Variants in NUAK2 observed in about 807,000 individuals in gnomAD.
NUAK2 encodes the protein NUAK family kinase 2, also known as NUAK family SNF1-like kinase 2.
A neutral mutation model predicts 29.8 loss-of-function variants in NUAK2; 20 were observed. The ratio of observed to expected loss-of-function variants is 0.67; its 90% confidence interval spans 0.47 to 0.98. The LOEUF (loss-of-function observed/expected upper bound fraction) is 0.98. Among genes scored for constraint, NUAK2 ranks in the 50% least tolerant of loss-of-function variants. The pLI, the probability that NUAK2 is intolerant of heterozygous loss-of-function variation, is 0.00. For missense variants in NUAK2, 719 were observed against 834.5 expected (o/e 0.86, Z 1.71); for synonymous variants, 331 against 342.6 (o/e 0.97, Z 0.37).
chr1:205,319,493 C>G (rs369161073), intron 1 of NUAK2, among the ~76,000 whole-genome samples: 1 of 152,018 alleles, frequency 6.6e-6, no homozygotes, highest in African/African-American at 2.4e-5. Context: ...CTCTGAACTT[C>G]AATCTCAGTT....
intron 1 of NUAK2, among the ~76,000 whole-genome samples, chr1:205,320,878 G>T (rs1368999121): frequency 2.0e-5 from 3 of 146,572 alleles, no homozygotes; most frequent in Admixed American, 2.0e-4. Flanking sequence ...GAGCTGGAAA[G>T]GACCTAAATG....
intron 1 of NUAK2, among the ~76,000 whole-genome samples, chr1:205,320,676 G>A (rs535802954): frequency 6.6e-6 from 1 of 152,236 alleles, no homozygotes; most frequent in South Asian, 2.1e-4. Context: ...CTGCAAAAGG[G>A]GAAACAAAGT....
chr1:205,316,656 G>A (rs1033779716), intron 1 of NUAK2, among the ~76,000 whole-genome samples: 5 of 152,172 alleles, frequency 3.3e-5, no homozygotes, highest in African/African-American at 7.2e-5. Flanking sequence ...GGATCTCTAC[G>A]CACCCTTCCA....
intron 1 of NUAK2, among the ~76,000 whole-genome samples, chr1:205,313,454 GAA>G (rs1662282355): frequency 6.6e-6 from 1 of 152,164 alleles, no homozygotes; most frequent in Non-Finnish European, 1.5e-5. Flanking sequence ...GGAAGAAATG[GAA>G]AGAGGGCTGC....
At chr1:205,313,443 A>C (rs1191572945) in intron 1 of NUAK2, among the ~76,000 whole-genome samples, 1 of 152,186 alleles carries the variant, frequency 6.6e-6, no homozygotes, top group African/African-American at 2.4e-5. Flanking sequence ...GGAGAGAGGC[A>C]GGAAGAAATG....
intron 1 of NUAK2, among the ~76,000 whole-genome samples, chr1:205,318,374 C>G (rs1286971638): frequency 6.6e-6 from 1 of 152,234 alleles, no homozygotes; most frequent in African/African-American, 2.4e-5. Flanking sequence ...TCAAGACCAA[C>G]TCCCAGTCTA....
rs1218317439 is a variant in NUAK2 at position 205,303,368 on chromosome 1, G to A, written c.*82C>T. On this transcript the variant is annotated 3_prime_UTR_variant, in exon 7 of 7. Coordinates refer to ENST00000367157, the MANE Select transcript of NUAK2 (RefSeq NM_030952.3). ...CTGAGCTGGGATGCAGGTCCTGGGA[G>A]GTGGGGGAGAAGGCATCTCCCCTCG... 8.0e-7 allele frequency: 1 copy of A among 1,246,816 alleles called. No homozygotes were observed. Among genetic ancestry groups the A allele is most frequent in the South Asian group, 1.5e-5 (1 of 66,556 alleles). 77.2% of individuals were successfully genotyped at this position (1,246,816 alleles called of 1,614,324 possible).
At chr1:205,306,798 G>T (rs940107230) in intron 4 of NUAK2, among the ~76,000 whole-genome samples, 3 of 152,154 alleles carry the variant, frequency 2.0e-5, no homozygotes, top group Non-Finnish European at 4.4e-5. Flanking sequence ...GATGTTTAGT[G>T]ATGGAAAGGA....
chr1:205,307,336 A>C (rs1030357566), intron 4 of NUAK2, among the ~76,000 whole-genome samples: 1 of 152,186 alleles, frequency 6.6e-6, no homozygotes, highest in Non-Finnish European at 1.5e-5. Context: ...ATGCCTGTCC[A>C]TGTTTGTGCC....
Position 205,308,456 on chromosome 1 carries a change from G to T in NUAK2, c.504+125C>A. ...ACACTGACATTTCCCTGAGAGTCCA[G>T]AATCTAGTTTTGCCTCTGTTTCTGT... On this transcript the variant is annotated intron_variant, in intron 3 of 6. Coordinates refer to ENST00000367157, the MANE Select transcript of NUAK2 (RefSeq NM_030952.3). This position sits in a 1 kb window ranked among gnomAD's most constrained non-coding sequence, Gnocchi z 4.1. 1 of 1,089,286 alleles carries T rather than the reference G, an allele frequency of 9.2e-7. No individual in the cohort carries two copies. Among genetic ancestry groups the T allele is most frequent in the Non-Finnish European group, 1.4e-6 (1 of 740,420 alleles). 67.5% of individuals were successfully genotyped at this position (1,089,286 alleles called of 1,614,324 possible).
chr1:205,311,682 C>T, intron 2 of NUAK2, 23 bp downstream of exon 2: 2 of 1,613,716 alleles, frequency 1.2e-6, no homozygotes, highest in Non-Finnish European at 1.7e-6. Flanking sequence ...CCCCCAAGTT[C>T]CAGCTTTAAG....
intron 2 of NUAK2, among the ~76,000 whole-genome samples, chr1:205,310,972 T>G (rs1304435154): frequency 6.6e-6 from 1 of 152,240 alleles, no homozygotes; most frequent in East Asian, 1.9e-4. Context: ...ACAGTCTCCC[T>G]TTCTTCCCTC....
At chr1:205,307,597 C>A (rs997447890) in intron 4 of NUAK2, among the ~76,000 whole-genome samples, 1 of 152,198 alleles carries the variant, frequency 6.6e-6, no homozygotes, top group African/African-American at 2.4e-5. Flanking sequence ...CTTCCTCCAG[C>A]CCTGAGATCT....
chr1:205,308,701 G>A lies in NUAK2; in HGVS notation c.384C>T (p.Val128=), dbSNP rs747783613. 1.2e-6 allele frequency: 2 copies of A among 1,614,106 alleles called. No individual in the cohort carries two copies. The highest frequency in any genetic ancestry group is 1.7e-5 in the Admixed American group (1 of 60,016). ...GGTCGCCCCGGCTGGCATACTCCATGACGATCACGATCTTGCTGCTGTTCT... is the reference window on the plus strand; with the variant it reads ...GGTCGCCCCGGCTGGCATACTCCATAACGATCACGATCTTGCTGCTGTTCT... ...VFENSSKIVI[V]MEYASRGDLY... is the part of the protein sequence containing the mutation. Residue 128 remains valine, a synonymous_variant, in exon 3 of 7, where the codon GTC becomes GTT. Coordinates refer to ENST00000367157, the MANE Select transcript of NUAK2 (RefSeq NM_030952.3). This position sits in a 1 kb window ranked among gnomAD's most constrained non-coding sequence, Gnocchi z 4.1.
Position 205,304,121 on chromosome 1 carries a change from G to A in NUAK2, c.1216C>T (p.Leu406=). The stretch of plus-strand genomic sequence containing the variant: ...TTCTTCTTGAGAATGCCCTTTGGCA[G>A]CTTGAGGTTGCTCTTGCCAGGGCGA... ...AHRPGKSNLK[L]PKGILKKKVS... Residue 406 remains leucine (L), a synonymous_variant, in exon 7 of 7, where the codon CTG becomes TTG. Transcript: ENST00000367157. The surrounding 1 kb of genome is among the most constrained non-coding windows in gnomAD (Gnocchi z 6.5). 1 of 1,614,234 alleles carries A rather than the reference G, an allele frequency of 6.2e-7. No homozygotes were observed. The highest frequency in any genetic ancestry group is 8.5e-7 in the Non-Finnish European group (1 of 1,180,038).
At chr1:205,305,558 A>G in intron 5 of NUAK2, 2 of 978,834 alleles carry the variant, frequency 2.0e-6, no homozygotes, top group Non-Finnish European at 1.2e-6. Context: ...GGGCTGGGGA[A>G]GGGGTGGTTG....
chr1:205,315,638 C>G (rs759974375), intron 1 of NUAK2, among the ~76,000 whole-genome samples: 1 of 152,038 alleles, frequency 6.6e-6, no homozygotes. Context: ...TTTGGGAGAC[C>G]GAGGCGGGCA....
intron 1 of NUAK2, among the ~76,000 whole-genome samples, chr1:205,318,893 A>G (rs1662365630): frequency 6.6e-6 from 1 of 152,186 alleles, no homozygotes; most frequent in Non-Finnish European, 1.5e-5. Context: ...AATCCCATCT[A>G]GGCAGGTTGG....
intron 1 of NUAK2, among the ~76,000 whole-genome samples, chr1:205,316,316 G>C (rs1662328521): frequency 6.6e-6 from 1 of 152,194 alleles, no homozygotes; most frequent in African/African-American, 2.4e-5. Context: ...CACTGTGCTA[G>C]GTGTTAGGGA....
Sources: gnomAD v4.1 joint callset for allele counts (sites outside exome capture counted in the v4.1 genomes callset) on GRCh38, gnomAD v4.1.1 for gene constraint, Gnocchi (gnomAD v3.1) non-coding constraint, MANE v1.5 for transcripts, NCBI Gene and HGNC (gene_info 2026-07-23, HGNC 2026-07-21) for gene names.